The following EPHX1 variants were observed in gnomAD, a reference collection of about 807,000 sequenced individuals.
EPHX1 encodes the protein epoxide hydrolase 1.
A neutral mutation model predicts 43.2 loss-of-function variants in EPHX1; 40 were observed. The observed-to-expected ratio is 0.93, with a 90% CI of 0.72 to 1.21. EPHX1 has a LOEUF of 1.21. EPHX1 is among the 50% of genes most tolerant of loss of function. The pLI, the probability that EPHX1 is intolerant of heterozygous loss-of-function variation, is 0.00. For missense variants in EPHX1, 550 were observed against 570.4 expected (o/e 0.96, Z 0.36); for synonymous variants, 221 against 226.7 (o/e 0.98, Z 0.22).
Position 225,845,457 on chromosome 1 carries a change from T to A in EPHX1, c.*110T>A. 2.5e-6 allele frequency: 3 copies of A among 1,179,028 alleles called. No individual in the cohort carries two copies. Among genetic ancestry groups the A allele is most frequent in the East Asian group, 2.6e-5 (1 of 38,936 alleles). 73.0% of individuals were successfully genotyped at this position (1,179,028 alleles called of 1,614,324 possible). A position where few individuals can be genotyped will look rare whatever the true frequency, so the allele number is the denominator to read the frequency against. ...TGAGTTTGCCTCCGTCCCCTGCCCATGCTGGGAGCCCACGCTCACCCCCTC... is the reference window on the plus strand; with the variant it reads ...TGAGTTTGCCTCCGTCCCCTGCCCAAGCTGGGAGCCCACGCTCACCCCCTC... On this transcript the variant is annotated 3_prime_UTR_variant, in exon 9 of 9. Coordinates refer to ENST00000272167, the MANE Select transcript of EPHX1 (RefSeq NM_001136018.4).
intron 5 of EPHX1, 117 bp from the exon 6 acceptor site, chr1:225,839,712 A>G: frequency 8.7e-7 from 1 of 1,154,618 alleles, no homozygotes; most frequent in Non-Finnish European, 1.3e-6. Flanking sequence ...CCAGTGCTGA[A>G]AGAGGCTGGC....
At chr1:225,830,437 A>G (rs747848639) in intron 2 of EPHX1, among the ~76,000 whole-genome samples, 1 of 152,128 alleles carries the variant, frequency 6.6e-6, no homozygotes, top group Non-Finnish European at 1.5e-5. Context: ...ATACATGCCA[A>G]TGAGACTTGC....
chr1:225,823,083 T>TG (rs1294601101), intron 1 of EPHX1, among the ~76,000 whole-genome samples: 2 of 152,182 alleles, frequency 1.3e-5, no homozygotes, highest in Non-Finnish European at 2.9e-5. Flanking sequence ...ATTTTACAGA[T>TG]GCAGCTACTG....
intron 3 of EPHX1, 123 bp from the exon 4 acceptor site, chr1:225,838,531 A>T (rs2102753065): frequency 7.6e-6 from 6 of 792,890 alleles, no homozygotes; most frequent in Non-Finnish European, 1.3e-5. Context: ...TGTCAATACC[A>T]TGAAGGGGCG....
At chr1:225,813,708 C>T (rs1666590360) in intron 1 of EPHX1, among the ~76,000 whole-genome samples, 1 of 152,200 alleles carries the variant, frequency 6.6e-6, no homozygotes. Context: ...TACGGCATTC[C>T]AGGAGATGGG....
rs760679600 is a variant in EPHX1, at chr1:225,839,250, A to C, written c.626A>C (p.Tyr209Ser). 7.4e-6 allele frequency: 12 copies of C among 1,613,978 alleles called. No homozygotes were observed. Among genetic ancestry groups the C allele is most frequent in the Non-Finnish European group, 9.3e-6 (11 of 1,180,014 alleles). ...TCGGTGGCCACCGCCAGGATCTTTT[A>C]CAAGCTGATGCTGCGGCTGGGCTTC... The part of the protein sequence containing the change: ...FNSVATARIF[Y>S]KLMLRLGFQE... The change falls in exon 5 of 9, where the codon TAC (tyrosine) becomes TCC (serine). Residue 209 changes from tyrosine to serine, a missense_variant. By Grantham distance (144) the Tyr-to-Ser change is moderately radical (BLOSUM62 -2). Transcript: ENST00000272167.
At chr1:225,821,143 C>T (rs1403306542) in intron 1 of EPHX1, among the ~76,000 whole-genome samples, 1 of 152,128 alleles carries the variant, frequency 6.6e-6, no homozygotes, top group Non-Finnish European at 1.5e-5. Flanking sequence ...TGTTTTAAAA[C>T]TTGACTTAGT....
At chr1:225,835,918 G>A (rs529724610) in intron 3 of EPHX1, among the ~76,000 whole-genome samples, 2 of 152,194 alleles carry the variant, frequency 1.3e-5, no homozygotes, top group South Asian at 4.1e-4. Context: ...TTCCAGCATT[G>A]AATTCATCGT....
intron 1 of EPHX1, among the ~76,000 whole-genome samples, chr1:225,812,396 G>A (rs781419901): frequency 6.6e-5 from 10 of 152,310 alleles, no homozygotes; most frequent in East Asian, 1.9e-4. Flanking sequence ...GGACTTACGC[G>A]GCTGGGAACA....
chr1:225,834,234 G>A (rs1490528917), intron 3 of EPHX1, among the ~76,000 whole-genome samples: 19 of 150,850 alleles, frequency 1.3e-4, no homozygotes, highest in South Asian at 1.0e-3. Flanking sequence ...GTGAAACCCC[G>A]TCTCTACTAA....
chr1:225,810,322 G>C (rs1666412931), intron 1 of EPHX1, 153 bp downstream of exon 1: 1 of 151,982 alleles, frequency 6.6e-6, no homozygotes, highest in Admixed American at 6.5e-5. Context: ...ACTTGTAGTT[G>C]GTCCGCCCCC....
intron 1 of EPHX1, among the ~76,000 whole-genome samples, chr1:225,821,771 C>G: frequency 6.6e-6 from 1 of 151,352 alleles, no homozygotes; most frequent in Non-Finnish European, 1.5e-5. Flanking sequence ...CCATGTTGCC[C>G]AGGCTGGTCT....
At chr1:225,841,815 G>T (rs1166085717) in intron 6 of EPHX1, among the ~76,000 whole-genome samples, 1 of 151,544 alleles carries the variant, frequency 6.6e-6, no homozygotes, top group Non-Finnish European at 1.5e-5. Flanking sequence ...TGTCAGCCAG[G>T]ATAGTCTCGA....
chr1:225,813,608 C>T (rs552818603), intron 1 of EPHX1, among the ~76,000 whole-genome samples: 98 of 152,366 alleles, frequency 6.4e-4, no homozygotes, highest in Non-Finnish European at 8.4e-4. Flanking sequence ...GCAGCCTCCC[C>T]TATTGTCAAG....
intron 7 of EPHX1, among the ~76,000 whole-genome samples, chr1:225,843,494 A>G (rs938513638): frequency 3.3e-5 from 5 of 152,120 alleles, no homozygotes; most frequent in Non-Finnish European, 7.4e-5. Flanking sequence ...CCTGCCCTAC[A>G]TTCAGCAGGA....
intron 1 of EPHX1, among the ~76,000 whole-genome samples, chr1:225,824,689 G>C (rs550220439): frequency 1.6e-4 from 24 of 152,362 alleles, no homozygotes; most frequent in Non-Finnish European, 2.6e-4. Flanking sequence ...AGACGGGGGG[G>C]TGTGGAGCCG....
chr1:225,844,630 C>G lies in EPHX1; in HGVS notation c.1166+7C>G. The G allele has an allele frequency of 6.2e-7, 1 of 1,613,904 alleles. No individual in the cohort carries two copies. Among genetic ancestry groups the G allele is most frequent in the Non-Finnish European group, 8.5e-7 (1 of 1,179,996 alleles). The stretch of plus-strand genomic sequence containing the variant: ...TGACCCAGAAGCATGAGCGGTGAGC[C>G]TGGCTGAGCCGAGAACAGGGGCCTC... On this transcript the variant is annotated splice_region_variant and intron_variant, in intron 8 of 8. Coordinates refer to ENST00000272167, the MANE Select transcript of EPHX1 (RefSeq NM_001136018.4).
chr1:225,839,545 G>A (rs543992495), intron 5 of EPHX1, among the ~76,000 whole-genome samples, 199 bp downstream of exon 5: 121 of 152,254 alleles, frequency 7.9e-4, no homozygotes, highest in Middle Eastern at 3.4e-3. Flanking sequence ...CTCTGGGTCA[G>A]GTTCCCAGGC....
chr1:225,830,680 G>T (rs1390831922), intron 2 of EPHX1, among the ~76,000 whole-genome samples: 3 of 152,104 alleles, frequency 2.0e-5, no homozygotes, highest in Non-Finnish European at 4.4e-5. Context: ...GGCCAGGCTG[G>T]TCTCGAACTC....
Sources: gnomAD v4.1 joint callset for allele counts (sites outside exome capture counted in the v4.1 genomes callset) on GRCh38, gnomAD v4.1.1 for gene constraint, MANE v1.5 for transcripts, NCBI Gene and HGNC (gene_info 2026-07-23, HGNC 2026-07-21) for gene names.